The following CPNE8 variants were observed in gnomAD, a reference collection of about 807,000 sequenced individuals.
CPNE8 encodes copine-8.
CPNE8 carries 45 observed loss-of-function variants against 81.5 expected under a neutral mutation model. The ratio of observed to expected loss-of-function variants is 0.55; its 90% CI spans 0.44 to 0.71. The LOEUF (loss-of-function observed/expected upper bound fraction) is 0.71. CPNE8 is among the 30% of genes least tolerant of loss of function. The pLI, the probability that CPNE8 is intolerant of heterozygous loss-of-function variation, is 0.00. For missense variants in CPNE8, 594 were observed against 672.1 expected (o/e 0.88, Z 1.28); for synonymous variants, 252 against 226.3 (o/e 1.11, Z -1.02).
intron 1 of CPNE8, among the ~76,000 whole-genome samples, chr12:38,903,513 T>A (rs1944518890): frequency 1.3e-5 from 2 of 152,222 alleles, no homozygotes; most frequent in Admixed American, 1.3e-4. Flanking sequence ...AGGGGCTGCA[T>A]TAAACATGGG....
intron 3 of CPNE8, among the ~76,000 whole-genome samples, chr12:38,854,856 C>T (rs1326388699): frequency 5.3e-5 from 8 of 151,980 alleles, no homozygotes; most frequent in African/African-American, 2.4e-5. Context: ...ACAAGGATGC[C>T]CACTCTCACA....
chr12:38,889,977 T>C (rs1944289308), intron 1 of CPNE8, among the ~76,000 whole-genome samples: 1 of 152,186 alleles, frequency 6.6e-6, no homozygotes, highest in Admixed American at 6.5e-5. Context: ...TGAAGCAATT[T>C]TGATGGTGCC....
chr12:38,901,846 T>TTTCCC (rs1470197643), intron 1 of CPNE8, among the ~76,000 whole-genome samples: 6 of 152,180 alleles, frequency 3.9e-5, no homozygotes, highest in African/African-American at 1.4e-4. Context: ...ACAATGATCC[T>TTTCCC]TTCCCTCCTC....
intron 6 of CPNE8, among the ~76,000 whole-genome samples, chr12:38,777,968 C>A (rs2136895842): frequency 6.6e-6 from 1 of 152,290 alleles, no homozygotes; most frequent in East Asian, 1.9e-4. Flanking sequence ...ACCTAAGTTG[C>A]ATATGCTTCT....
chr12:38,775,560 C>T (rs543100642), intron 7 of CPNE8, among the ~76,000 whole-genome samples: 14 of 152,266 alleles, frequency 9.2e-5, no homozygotes, highest in Admixed American at 2.6e-4. Context: ...ATATTGACTT[C>T]AGATTAAGCT....
intron 16 of CPNE8, 122 bp downstream of exon 16, chr12:38,685,368 A>G (rs748849313): frequency 5.5e-5 from 57 of 1,030,844 alleles, no homozygotes; most frequent in Admixed American, 1.3e-4. Context: ...TTTTTTCCCC[A>G]CTTTCTTGGA....
At chr12:38,655,529 T>A (rs1938798449) in intron 19 of CPNE8, among the ~76,000 whole-genome samples, 1 of 152,122 alleles carries the variant, frequency 6.6e-6, no homozygotes, top group East Asian at 1.9e-4. Flanking sequence ...AAATCATTTT[T>A]CTCCTGGATG....
chr12:38,863,153 T>C (rs1173730634), intron 3 of CPNE8, among the ~76,000 whole-genome samples: 1 of 152,168 alleles, frequency 6.6e-6, no homozygotes, highest in African/African-American at 2.4e-5. Flanking sequence ...AGGGACATCA[T>C]GATAGATCCT....
chr12:38,822,264 T>G (rs774043854), intron 6 of CPNE8, among the ~76,000 whole-genome samples: 3 of 152,144 alleles, frequency 2.0e-5, no homozygotes, highest in Non-Finnish European at 4.4e-5. Context: ...AAAGAAGAAA[T>G]CTAACTCAGT....
At chr12:38,676,552 C>T (rs1285997914) in intron 17 of CPNE8, among the ~76,000 whole-genome samples, 1 of 151,532 alleles carries the variant, frequency 6.6e-6, no homozygotes, top group Non-Finnish European at 1.5e-5. Context: ...GCAATTTTCA[C>T]AGTAAATGAG....
chr12:38,687,188 C>T (rs760019474), intron 15 of CPNE8, among the ~76,000 whole-genome samples: 3 of 151,944 alleles, frequency 2.0e-5, no homozygotes, highest in Non-Finnish European at 4.4e-5. Context: ...ACTTCCATAA[C>T]TTTAAAAATG....
chr12:38,765,801 T>G (rs971261551), intron 8 of CPNE8, among the ~76,000 whole-genome samples: 2 of 152,172 alleles, frequency 1.3e-5, no homozygotes, highest in Non-Finnish European at 2.9e-5. Context: ...AGTTGACATT[T>G]TTGGATTAGT....
chr12:38,873,121 A>T, intron 2 of CPNE8, 71 bp from the exon 3 acceptor site: 1 of 929,112 alleles, frequency 1.1e-6, no homozygotes, highest in South Asian at 1.5e-5. Flanking sequence ...TATACAATTT[A>T]TTTTTCAGCT....
intron 13 of CPNE8, among the ~76,000 whole-genome samples, chr12:38,717,770 T>C (rs139717200): frequency 6.6e-6 from 1 of 151,140 alleles, no homozygotes; most frequent in African/African-American, 2.4e-5. Flanking sequence ...AAAGAACTTA[T>C]CCATGCAACC....
intron 16 of CPNE8, chr12:38,679,848 C>T (rs1216643704): frequency 6.7e-6 from 2 of 300,160 alleles, no homozygotes; most frequent in Middle Eastern, 1.7e-3. Context: ...TAACATGCTA[C>T]AGAAATGGAT....
chr12:38,742,784 A>T (rs1164942673), intron 10 of CPNE8, among the ~76,000 whole-genome samples: 1 of 151,924 alleles, frequency 6.6e-6, no homozygotes, highest in Non-Finnish European at 1.5e-5. Context: ...ATTTTGTTCT[A>T]TGTACAATAC....
chr12:38,772,867 A>T (rs1941832101), intron 7 of CPNE8, among the ~76,000 whole-genome samples: 1 of 152,108 alleles, frequency 6.6e-6, no homozygotes, highest in Non-Finnish European at 1.5e-5. Context: ...ATTGAAGCAA[A>T]TGAAGTGTCC....
At chr12:38,783,787 A>G (rs557076096) in intron 6 of CPNE8, among the ~76,000 whole-genome samples, 1 of 152,360 alleles carries the variant, frequency 6.6e-6, no homozygotes, top group East Asian at 1.9e-4. Context: ...TATCTCTACT[A>G]GTCTGCAAGA....
intron 16 of CPNE8, among the ~76,000 whole-genome samples, chr12:38,678,083 G>C (rs1046586645): frequency 4.6e-5 from 7 of 151,900 alleles, no homozygotes. Context: ...AGAGGTAATG[G>C]TTGCAACATT....
Sources: gnomAD v4.1 joint callset for allele counts (sites outside exome capture counted in the v4.1 genomes callset) on GRCh38, gnomAD v4.1.1 for gene constraint, MANE v1.5 for transcripts, NCBI Gene and HGNC (gene_info 2026-07-23, HGNC 2026-07-21) for gene names.